KIAA0408: variants seen among roughly 807,000 people sequenced by gnomAD.
KIAA0408 encodes the protein KIAA0408, also known as uncharacterized protein KIAA0408.
Under a neutral mutation model 60.9 loss-of-function variants are expected in KIAA0408, and 51 were observed. The observed-to-expected ratio is 0.84, with a 90% CI of 0.67 to 1.06. The LOEUF is 1.06. KIAA0408 is among the 50% of genes least tolerant of loss of function. The pLI is 0.00. For missense variants in KIAA0408, 787 were observed against 833.9 expected (o/e 0.94, Z 0.69); for synonymous variants, 304 against 282.4 (o/e 1.08, Z -0.77).
rs749761033 is a variant in KIAA0408 at position 127,450,234 on chromosome 6, G to C, written c.254C>G (p.Pro85Arg). 1.9e-6 allele frequency: 3 copies of C among 1,613,716 alleles called. No homozygotes were observed. Among genetic ancestry groups the C allele is most frequent in the Non-Finnish European group, 2.5e-6 (3 of 1,179,970 alleles). The change falls in exon 3 of 6, where the codon CCC (proline) becomes CGC (arginine). Residue 85 changes from proline (P) to arginine (R), a missense_variant. By Grantham distance (103) the Pro-to-Arg change is moderately radical. Around this residue, in one of 3 missense-constraint regions of KIAA0408, gnomAD observed 640 missense variants for 681.3 expected, o/e 0.94. Coordinates refer to ENST00000483725, the MANE Select transcript of KIAA0408 (RefSeq NM_014702.5). ...TATAAATTCACTTTGTCCTAAATCG[G>C]GGTAATTTGGGGAAGATTCTATCAC... Reference protein sequence around the residue: ...EKVIESSPNYPDLGQSEFIRT... With the variant: ...EKVIESSPNYRDLGQSEFIRT...
chr6:127,452,625 C>T (rs1253851412), intron 2 of KIAA0408, among the ~76,000 whole-genome samples: 5 of 152,094 alleles, frequency 3.3e-5, no homozygotes, highest in African/African-American at 1.2e-4. Flanking sequence ...AATCCTGCAT[C>T]CCTTAGTTAT....
intron 1 of KIAA0408, among the ~76,000 whole-genome samples, chr6:127,456,654 C>G (rs1773398477): frequency 6.6e-6 from 1 of 152,098 alleles, no homozygotes; most frequent in African/African-American, 2.4e-5. Context: ...AAGAACATTT[C>G]TATAGAGCAA....
Position 127,441,528 on chromosome 6 carries a change from C to T in KIAA0408, c.*2581G>A, listed in dbSNP as rs1292537006. 6.6e-6 allele frequency: 1 copy of T among 152,268 alleles called. No homozygotes were observed. Among genetic ancestry groups the T allele is most frequent in the Non-Finnish European group, 1.5e-5 (1 of 67,996 alleles). 9.4% of individuals were successfully genotyped at this position (152,268 alleles called of 1,614,324 possible). On this transcript the variant is annotated 3_prime_UTR_variant, in exon 6 of 6. Coordinates refer to ENST00000483725, the MANE Select transcript of KIAA0408 (RefSeq NM_014702.5). ...CTGCTGAACTAAAATAATATTTTTG[C>T]TCCAAAAGTCTGCTAGGGAAAACAT... is the stretch of plus-strand genomic sequence containing the variant.
chr6:127,441,784 CAG>C lies in KIAA0408; in HGVS notation c.*2323_*2324del, dbSNP rs1773111269. On this transcript the variant is annotated 3_prime_UTR_variant, in exon 6 of 6. Coordinates refer to ENST00000483725, the MANE Select transcript of KIAA0408 (RefSeq NM_014702.5). ...TTATAAAATATTTAAAAAGAGAAAA[CAG>C]AACATTCAAATAACCTTAGTTTTTC... 6.6e-6 allele frequency: 1 copy of C among 152,012 alleles called. No homozygotes were observed. The highest frequency in any genetic ancestry group is 6.6e-5 in the Admixed American group (1 of 15,264). The allele number at this position is 152,012 out of a possible 1,614,324, so 9.4% of individuals were successfully genotyped here.
Position 127,443,908 on chromosome 6 carries a change from G to T in KIAA0408, c.*201C>A. On this transcript the variant is annotated 3_prime_UTR_variant, in exon 6 of 6. Coordinates refer to ENST00000483725, the MANE Select transcript of KIAA0408 (RefSeq NM_014702.5). ...TATATTGTATTGGAAAACTAATGAG[G>T]ATGGCATTAAAAAATTCTGATCTAA... 1.8e-6 allele frequency: 1 copy of T among 555,938 alleles called. No individual in the cohort carries two copies. Among genetic ancestry groups the T allele is most frequent in the African/African-American group, 1.9e-5 (1 of 52,156 alleles). The allele number at this position is 555,938 out of a possible 1,614,324, so 34.4% of individuals were successfully genotyped here.
At chr6:127,453,291 A>C (rs1464049650) in intron 2 of KIAA0408, among the ~76,000 whole-genome samples, 3 of 152,004 alleles carry the variant, frequency 2.0e-5, no homozygotes, top group Non-Finnish European at 4.4e-5. Context: ...CATTTTTCAT[A>C]ACTCCTTTTC....
intron 1 of KIAA0408, among the ~76,000 whole-genome samples, chr6:127,455,434 A>G (rs1174687243): frequency 6.6e-6 from 1 of 152,176 alleles, no homozygotes; most frequent in African/African-American, 2.4e-5. Flanking sequence ...TAAATATCGA[A>G]CACTAATTTT....
chr6:127,441,785 A>G lies in KIAA0408; in HGVS notation c.*2324T>C, dbSNP rs1773111228. The G allele has an allele frequency of 6.6e-6, 1 of 152,254 alleles. No individual in the cohort carries two copies. Among genetic ancestry groups the G allele is most frequent in the Admixed American group, 6.5e-5 (1 of 15,288 alleles). 9.4% of individuals were successfully genotyped at this position (152,254 alleles called of 1,614,324 possible). A position where few individuals can be genotyped will look rare whatever the true frequency, so the allele number is the denominator to read the frequency against. On this transcript the variant is annotated 3_prime_UTR_variant, in exon 6 of 6. Coordinates refer to ENST00000483725, the MANE Select transcript of KIAA0408 (RefSeq NM_014702.5). ...TATAAAATATTTAAAAAGAGAAAAC[A>G]GAACATTCAAATAACCTTAGTTTTT... is the stretch of plus-strand genomic sequence containing the variant.
chr6:127,457,523 A>C (rs1303885996), intron 1 of KIAA0408, among the ~76,000 whole-genome samples: 1 of 152,212 alleles, frequency 6.6e-6, no homozygotes, highest in Non-Finnish European at 1.5e-5. Context: ...TATTAGAGCA[A>C]ATGTAAGAGG....
At position 127,439,585 on chromosome 6, in the gene KIAA0408, A is replaced by G. The variant is rs931334198; in HGVS notation, c.*4524T>C. The G allele has an allele frequency of 6.6e-6, 1 of 151,420 alleles. No individual in the cohort carries two copies. Among genetic ancestry groups the G allele is most frequent in the Non-Finnish European group, 1.5e-5 (1 of 67,930 alleles). 9.4% of individuals were successfully genotyped at this position (151,420 alleles called of 1,614,324 possible). A position where few individuals can be genotyped will look rare whatever the true frequency, so the allele number is the denominator to read the frequency against. On this transcript the variant is annotated 3_prime_UTR_variant, in exon 6 of 6. Transcript: ENST00000483725. ...AATTTGTGTCATGTATAAAATGAAC[A>G]AAACAAAAATGAAAAAGAGCTGTTC...
chr6:127,447,501 G>A lies in KIAA0408; in HGVS notation c.818C>T (p.Thr273Ile), dbSNP rs138347340. 6 of 1,612,364 alleles carry A rather than the reference G, an allele frequency of 3.7e-6. No individual in the cohort carries two copies. In the African/African-American group the frequency reaches 4.0e-5, roughly 11 times the overall value. The change falls in exon 5 of 6, where the codon ACC (threonine) becomes ATC (isoleucine). Residue 273 changes from threonine to isoleucine, a missense_variant. Around this residue, in one of 3 missense-constraint regions of KIAA0408, gnomAD observed 640 missense variants for 681.3 expected, o/e 0.94. Transcript: ENST00000483725. ...ETPPVPPPRS[T>I]SRNFPSSDSE... ...ATCCGAGCTGGGAAAATTTCGAGAG[G>A]TGCTTCTTGGAGGAGGAACTGGTGG... is the stretch of plus-strand genomic sequence containing the variant.
intron 4 of KIAA0408, 115 bp downstream of exon 4, chr6:127,449,707 C>T (rs1583068877): frequency 3.6e-6 from 5 of 1,371,204 alleles, no homozygotes; most frequent in African/African-American, 1.5e-5. Context: ...CTAGATAGTA[C>T]ATTTTAATAA....
At chr6:127,444,419 G>T in intron 5 of KIAA0408, 137 bp from the exon 6 acceptor site, 1 of 635,146 alleles carries the variant, frequency 1.6e-6, no homozygotes, top group Non-Finnish European at 2.5e-6. Context: ...AAAGAAGGTA[G>T]TTGTCTAATA....
At chr6:127,454,129 C>T in intron 1 of KIAA0408, 28 bp from the exon 2 acceptor site, 2 of 1,326,334 alleles carry the variant, frequency 1.5e-6, no homozygotes, top group Non-Finnish European at 1.9e-6. Context: ...AGAGAGAGTT[C>T]CAAATCCATG....
Position 127,447,221 on chromosome 6 carries a change from C to G in KIAA0408, c.1098G>C (p.Gly366=). 6.2e-7 allele frequency: 1 copy of G among 1,612,072 alleles called. No homozygotes were observed. The highest frequency in any genetic ancestry group is 1.3e-5 in the African/African-American group (1 of 74,874). ...VGLSMWSCDI[G]IGAKRSPSTS... ...TAGAGGGGCTCCTTTTTGCACCTATCCCAATGTCACATGACCACATGCTAA... is the reference window on the plus strand; with the variant it reads ...TAGAGGGGCTCCTTTTTGCACCTATGCCAATGTCACATGACCACATGCTAA... The change falls in exon 5 of 6, where the codon GGG becomes GGC. Residue 366 remains glycine, a synonymous_variant. Transcript: ENST00000483725.
intron 1 of KIAA0408, among the ~76,000 whole-genome samples, chr6:127,455,432 G>A (rs184769772): frequency 2.8e-4 from 43 of 152,138 alleles, no homozygotes; most frequent in Non-Finnish European, 5.0e-4. Flanking sequence ...GCTAAATATC[G>A]AACACTAATT....
chr6:127,444,967 G>T (rs1471389805), intron 5 of KIAA0408, among the ~76,000 whole-genome samples: 1 of 151,182 alleles, frequency 6.6e-6, no homozygotes, highest in Non-Finnish European at 1.5e-5. Context: ...AGCATTCCTT[G>T]GTCCTTAAAA....
Position 127,453,928 on chromosome 6 carries a change from C to G in KIAA0408, c.54G>C (p.Lys18Asn), listed in dbSNP as rs1273848711. ...TGTCAAACTGGTCCAGTAATTCCATCTTTTCCTTATGCCAGTTAGTCTCTG... is the reference window on the plus strand; with the variant it reads ...TGTCAAACTGGTCCAGTAATTCCATGTTTTCCTTATGCCAGTTAGTCTCTG... ...ENTETNWHKE[K>N]MELLDQFDNE... Residue 18 changes from lysine (K) to asparagine (N), a missense_variant, in exon 2 of 6, where the codon AAG (lysine) becomes AAC (asparagine). Lys to Asn is a moderately conservative substitution (Grantham distance 94). Transcript: ENST00000483725. 1.2e-6 allele frequency: 2 copies of G among 1,613,008 alleles called. No homozygotes were observed. The highest frequency in any genetic ancestry group is 1.7e-4 in the Middle Eastern group (1 of 6,054).
intron 1 of KIAA0408, among the ~76,000 whole-genome samples, chr6:127,455,058 G>A (rs573184123): frequency 1.3e-5 from 2 of 152,222 alleles, no homozygotes; most frequent in African/African-American, 4.8e-5. Flanking sequence ...ATGCAAAGTA[G>A]TTTGAGAAAT....
Sources: allele counts gnomAD v4.1 joint callset (sites outside exome capture counted in the v4.1 genomes callset), GRCh38; gene constraint gnomAD v4.1.1; regional missense constraint gnomAD v4.1.1; transcripts MANE v1.5; gene names NCBI Gene and HGNC (gene_info 2026-07-23, HGNC 2026-07-21).